PHACTR1: variants seen among roughly 807,000 people sequenced by gnomAD.
The protein encoded by PHACTR1 is RPEL repeat containing 1.
A neutral mutation model predicts 69.2 loss-of-function variants in PHACTR1; 16 were observed. That is an observed-to-expected ratio of 0.23 (90% CI 0.16 to 0.35). PHACTR1 has a LOEUF of 0.35. PHACTR1 is among the 10% of genes least tolerant of loss of function. PHACTR1 has a pLI of 1.00. For synonymous variants in PHACTR1, 312 were observed against 284.5 expected (o/e 1.10, Z -0.97); for missense variants, 510 against 734.7 (o/e 0.69, Z 3.54).
chr6:12,784,408 A>G (rs542750219), intron 4 of PHACTR1, among the ~76,000 whole-genome samples: 2 of 152,032 alleles, frequency 1.3e-5, no homozygotes, highest in African/African-American at 4.8e-5. Flanking sequence ...ATACACACAT[A>G]TCTATACACA....
intron 5 of PHACTR1, 130 bp downstream of exon 5, chr6:13,053,659 TG>T (rs1806332679): frequency 4.4e-6 from 5 of 1,143,806 alleles, no homozygotes; most frequent in Non-Finnish European, 3.6e-6. Context: ...GAATGGCTCT[TG>T]TCTTTAAAAT....
chr6:12,919,250 C>G (rs1247222963), intron 4 of PHACTR1, among the ~76,000 whole-genome samples: 1 of 152,182 alleles, frequency 6.6e-6, no homozygotes, highest in Admixed American at 6.5e-5. Flanking sequence ...TCAAGTGATT[C>G]TCCTGCCTCA....
chr6:12,746,176 G>C (rs569032467), intron 3 of PHACTR1, among the ~76,000 whole-genome samples: 1 of 152,206 alleles, frequency 6.6e-6, no homozygotes, highest in South Asian at 2.1e-4. Context: ...TTAGATGAAA[G>C]ACAAAGAAAG....
At chr6:12,907,848 C>G (rs1785916342) in intron 4 of PHACTR1, among the ~76,000 whole-genome samples, 1 of 152,290 alleles carries the variant, frequency 6.6e-6, no homozygotes, top group African/African-American at 2.4e-5. Flanking sequence ...TGTCCAGGTT[C>G]CTTCCATGAG....
At chr6:13,103,979 G>A (rs1353719348) in intron 5 of PHACTR1, among the ~76,000 whole-genome samples, 8 of 152,178 alleles carry the variant, frequency 5.3e-5, no homozygotes, top group Admixed American at 4.6e-4. Context: ...AGCTGCTTGG[G>A]AGGTTGAGGC....
chr6:12,735,672 G>C (rs1024710153), intron 3 of PHACTR1, among the ~76,000 whole-genome samples: 1 of 152,196 alleles, frequency 6.6e-6, no homozygotes, highest in South Asian at 2.1e-4. Context: ...CAGGCAATAA[G>C]AAAAGCTAGG....
intron 4 of PHACTR1, among the ~76,000 whole-genome samples, chr6:12,884,539 C>G (rs1054140209): frequency 1.6e-4 from 24 of 151,910 alleles, no homozygotes; most frequent in African/African-American, 5.6e-4. Context: ...TAGCTGGGAC[C>G]GCAGGCGCCT....
chr6:12,872,798 A>G (rs1329489582), intron 4 of PHACTR1, among the ~76,000 whole-genome samples: 1 of 152,000 alleles, frequency 6.6e-6, no homozygotes, highest in Admixed American at 6.6e-5. Flanking sequence ...CAGGACCCAA[A>G]TCCTTGTGCC....
At position 12,762,441 on chromosome 6, in the gene PHACTR1, CT is replaced by C. The variant is rs566907145; in HGVS notation, c.250+12653del. 9.3e-4 allele frequency among the ~76,000 whole-genome samples: 142 copies of C among 152,216 alleles called. 1 individual carries two copies. The highest frequency in any genetic ancestry group is 1.5e-3 in the Non-Finnish European group (101 of 68,006). On this transcript the variant is annotated intron_variant, in intron 4 of 14. Transcript: ENST00000332995. Reference sequence around the variant, plus strand: ...TTTACTGCATTTGACATAAATAACGCTTGTTTAATAGGCTTTGAGCAAGTTA... The same window carrying C: ...TTTACTGCATTTGACATAAATAACGCTGTTTAATAGGCTTTGAGCAAGTTA...
At chr6:12,817,463 G>C (rs1045618559) in intron 4 of PHACTR1, among the ~76,000 whole-genome samples, 1 of 152,210 alleles carries the variant, frequency 6.6e-6, no homozygotes, top group Non-Finnish European at 1.5e-5. Flanking sequence ...GCCATATACT[G>C]TGGGACCTTG....
chr6:13,229,925 G>C, intron 9 of PHACTR1, 112 bp from the exon 10 acceptor site: 1 of 1,285,914 alleles, frequency 7.8e-7, no homozygotes, highest in Non-Finnish European at 1.1e-6. Context: ...ACTTTCAGGT[G>C]TTAAAACCTT....
chr6:13,038,826 C>T (rs1419569383), intron 4 of PHACTR1, among the ~76,000 whole-genome samples: 2 of 152,224 alleles, frequency 1.3e-5, no homozygotes, highest in Non-Finnish European at 2.9e-5. Flanking sequence ...ACCAAGATGC[C>T]TCCTAGCTTA....
intron 4 of PHACTR1, among the ~76,000 whole-genome samples, chr6:13,046,809 TAAAAA>T (rs5874398): frequency 6.8e-6 from 1 of 146,204 alleles, no homozygotes; most frequent in African/African-American, 2.5e-5. Context: ...TTTTACTCTT[TAAAAA>T]AAAAAAAAAT....
chr6:13,063,669 G>T (rs1378045179), intron 5 of PHACTR1, among the ~76,000 whole-genome samples: 1 of 151,876 alleles, frequency 6.6e-6, no homozygotes, highest in Non-Finnish European at 1.5e-5. Context: ...AGTCCCAGCT[G>T]CTGGGGAGGC....
intron 4 of PHACTR1, among the ~76,000 whole-genome samples, chr6:12,824,180 G>A (rs994318435): frequency 6.6e-6 from 1 of 152,178 alleles, no homozygotes; most frequent in African/African-American, 2.4e-5. Flanking sequence ...GCACAGGCAA[G>A]GGATCTAGGT....
chr6:12,959,176 CA>C (rs70989814), intron 4 of PHACTR1, among the ~76,000 whole-genome samples: 240 of 46,264 alleles, frequency 5.2e-3, no homozygotes, highest in Middle Eastern at 0.019. Flanking sequence ...GACTTTATCT[CA>C]AAAAAAAAAA....
chr6:12,942,564 C>G (rs1790165211), intron 4 of PHACTR1, among the ~76,000 whole-genome samples: 1 of 152,128 alleles, frequency 6.6e-6, no homozygotes, highest in African/African-American at 2.4e-5. Context: ...GAGGCCGAGA[C>G]AGGAGAATCG....
intron 5 of PHACTR1, among the ~76,000 whole-genome samples, chr6:13,088,216 AT>A (rs912580061): frequency 2.0e-5 from 3 of 152,160 alleles, no homozygotes; most frequent in African/African-American, 7.2e-5. Flanking sequence ...TTTAAAAACA[AT>A]TGAATTCATA....
intron 4 of PHACTR1, among the ~76,000 whole-genome samples, chr6:12,779,755 T>A (rs1180672226): frequency 1.3e-5 from 2 of 152,218 alleles, no homozygotes; most frequent in South Asian, 2.1e-4. Flanking sequence ...ATTTTTGGCA[T>A]CTTCTATGGC....
Sources: gnomAD v4.1 joint callset for allele counts (sites outside exome capture counted in the v4.1 genomes callset) on GRCh38, gnomAD v4.1.1 for gene constraint, MANE v1.5 for transcripts, NCBI Gene and HGNC (gene_info 2026-07-23, HGNC 2026-07-21) for gene names.